The following DACH2 variants were observed in gnomAD, a reference collection of about 807,000 sequenced individuals.
The protein encoded by DACH2 is dachshund homolog 2.
A neutral mutation model predicts 35.8 loss-of-function variants in DACH2; 17 were observed. The observed-to-expected ratio is 0.48, with a 90% CI of 0.33 to 0.71. The LOEUF (loss-of-function observed/expected upper bound fraction) is 0.71, where lower values mean the gene tolerates loss of function less well. Ranked by LOEUF, DACH2 falls within the 30% of genes least tolerant of loss-of-function variation. The pLI is 0.02. For synonymous variants in DACH2, 195 were observed against 177.3 expected, an observed-to-expected ratio of 1.10 and a Z score of -0.79; for missense variants, 469 against 472.7, an observed-to-expected ratio of 0.99 and a Z score of 0.07.
intron 1 of DACH2, among the ~76,000 whole-genome samples, chrX:86,328,506 AT>A (rs2035155357): frequency 8.9e-6 from 1 of 112,099 alleles, no homozygotes; most frequent in Non-Finnish European, 1.9e-5. Flanking sequence ...AACCATTAAT[AT>A]TTTTGAACTT....
At chrX:86,533,914 G>T (rs757103015) in intron 3 of DACH2, among the ~76,000 whole-genome samples, 2 of 111,104 alleles carry the variant, frequency 1.8e-5, no homozygotes, top group African/African-American at 6.5e-5. Flanking sequence ...GCAAAAACAA[G>T]AATTTCTATG....
chrX:86,678,972 C>T (rs1257861462), intron 4 of DACH2, among the ~76,000 whole-genome samples: 1 of 111,312 alleles, frequency 9.0e-6, no homozygotes, highest in Non-Finnish European at 1.9e-5. Flanking sequence ...ATCTTAGGTT[C>T]CAGATCTCCA....
At chrX:86,570,978 G>C (rs2039359475) in intron 3 of DACH2, among the ~76,000 whole-genome samples, 1 of 110,976 alleles carries the variant, frequency 9.0e-6, no homozygotes, top group African/African-American at 3.3e-5. Flanking sequence ...TTATTTTATA[G>C]TTTGTGATTT....
intron 2 of DACH2, among the ~76,000 whole-genome samples, chrX:86,440,991 C>T (rs1296065473): frequency 9.0e-6 from 1 of 110,784 alleles, no homozygotes; most frequent in Non-Finnish European, 1.9e-5. Flanking sequence ...TCTCCTCCCT[C>T]GCACCATTTC....
intron 1 of DACH2, among the ~76,000 whole-genome samples, chrX:86,194,348 C>G (rs2031917276): frequency 9.0e-6 from 1 of 111,393 alleles, no homozygotes. Flanking sequence ...TAAATTTGAA[C>G]TGGATATTGG....
intron 2 of DACH2, among the ~76,000 whole-genome samples, chrX:86,426,579 G>A (rs1176817104): frequency 9.0e-6 from 1 of 111,033 alleles, no homozygotes; most frequent in Admixed American, 9.6e-5. Flanking sequence ...CCATTTCTAG[G>A]TGCTTATGTG....
At chrX:86,498,897 A>G (rs1422471500) in intron 2 of DACH2, among the ~76,000 whole-genome samples, 4 of 111,690 alleles carry the variant, frequency 3.6e-5, no homozygotes, top group Non-Finnish European at 7.5e-5. Context: ...TGTTGTTCTT[A>G]ATCTAGAATG....
intron 6 of DACH2, among the ~76,000 whole-genome samples, chrX:86,722,410 G>A (rs2041417185): frequency 9.0e-6 from 1 of 111,629 alleles, no homozygotes; most frequent in Non-Finnish European, 1.9e-5. Flanking sequence ...GAGCAGTGGT[G>A]CAATTATAGC....
intron 4 of DACH2, among the ~76,000 whole-genome samples, chrX:86,668,724 A>G (rs771050336): frequency 8.9e-5 from 10 of 111,925 alleles, no homozygotes; most frequent in South Asian, 3.7e-4. Flanking sequence ...AAAGGGAAGA[A>G]AATAAGATCT....
At chrX:86,509,238 G>A (rs1401619233) in intron 2 of DACH2, among the ~76,000 whole-genome samples, 2 of 111,425 alleles carry the variant, frequency 1.8e-5, no homozygotes, top group African/African-American at 3.3e-5. Context: ...CTTCTCTCTG[G>A]TGTGTTTTTA....
chrX:86,259,202 G>A (rs2033579963), intron 1 of DACH2, among the ~76,000 whole-genome samples: 1 of 111,548 alleles, frequency 9.0e-6, no homozygotes, highest in African/African-American at 3.3e-5. Context: ...TCCCTGTTCT[G>A]GCATGACTGT....
intron 5 of DACH2, among the ~76,000 whole-genome samples, chrX:86,696,618 C>T (rs1029572321): frequency 9.9e-5 from 11 of 111,520 alleles, no homozygotes; most frequent in Non-Finnish European, 1.9e-4. Flanking sequence ...AGAGCTCCAC[C>T]ATGCTGGAAA....
At chrX:86,671,113 C>G (rs995693721) in intron 4 of DACH2, among the ~76,000 whole-genome samples, 4 of 111,974 alleles carry the variant, frequency 3.6e-5, no homozygotes, top group African/African-American at 1.3e-4. Flanking sequence ...GTCTGTATGT[C>G]TTCTCTGCCA....
At chrX:86,417,674 A>C (rs776224140) in intron 2 of DACH2, among the ~76,000 whole-genome samples, 38 of 111,630 alleles carry the variant, frequency 3.4e-4, no homozygotes, top group Non-Finnish European at 6.6e-4. Flanking sequence ...GTTACAATTC[A>C]AGGTGAGATT....
At chrX:86,359,954 C>T (rs956203684) in intron 1 of DACH2, among the ~76,000 whole-genome samples, 1 of 109,704 alleles carries the variant, frequency 9.1e-6, no homozygotes, top group African/African-American at 3.3e-5. Flanking sequence ...TAGATCACCG[C>T]TCGCTGCAGC....
At chrX:86,637,189 G>A (rs1408576242) in intron 3 of DACH2, among the ~76,000 whole-genome samples, 1 of 47,553 alleles carries the variant, frequency 2.1e-5, no homozygotes, top group Non-Finnish European at 3.7e-5. Flanking sequence ...GAGTCAGAAT[G>A]GCTATTACTG....
At chrX:86,555,971 A>G (rs1436839528) in intron 3 of DACH2, among the ~76,000 whole-genome samples, 1 of 111,702 alleles carries the variant, frequency 9.0e-6, no homozygotes, top group Non-Finnish European at 1.9e-5. Flanking sequence ...AGATTTTAAT[A>G]GCAAGATTTC....
rs977457234 is a variant in DACH2, at chrX:86,380,146, G to A, written c.527+3284G>A. Among the ~76,000 whole-genome samples the A allele has an allele frequency of 1.1e-4, 12 of 110,314 alleles. No homozygotes were observed. The East Asian group carries it at 2.0e-3, about 18-fold the overall frequency. On this transcript the variant is annotated intron_variant, in intron 2 of 11. Coordinates refer to ENST00000373125, the MANE Select transcript of DACH2 (RefSeq NM_053281.3). ...TAATAATATTTAACATTTATCAAAC[G>A]TGAGTTCAGGTGATTTTTCACATAT...
At chrX:86,698,514 G>GTTTTTTTTTT (rs1345238527) in intron 5 of DACH2, among the ~76,000 whole-genome samples, 402 of 34,260 alleles carry the variant, frequency 0.012, 31 homozygotes, top group Non-Finnish European at 0.017. Flanking sequence ...TGTTTTGTTA[G>GTTTTTTTTTT]TTTTGTGTTT....
Sources: allele counts gnomAD v4.1 joint callset (sites outside exome capture counted in the v4.1 genomes callset), GRCh38; gene constraint gnomAD v4.1.1; transcripts MANE v1.5; gene names NCBI Gene and HGNC (gene_info 2026-07-23, HGNC 2026-07-21).